KMT2A: variants seen among roughly 807,000 people sequenced by gnomAD.
The protein encoded by KMT2A is lysine methyltransferase 2A, also known as histone-lysine N-methyltransferase 2A.
KMT2A carries 16 observed loss-of-function variants against 345.3 expected under a neutral mutation model. That is an observed-to-expected ratio of 0.05 (90% CI 0.03 to 0.07). KMT2A has a LOEUF of 0.07. Ranked by LOEUF, KMT2A falls within the 10% of genes least tolerant of loss-of-function variation. The probability of loss-of-function intolerance (pLI) is 1.00; values close to 1 mark genes in which losing one functional copy is unlikely to be tolerated. For missense variants in KMT2A, 3,272 were observed against 4,841.6 expected (o/e 0.68, Z 9.62); for synonymous variants, 1,599 against 1,778.6 (o/e 0.90, Z 2.54).
chr11:118,458,842 C>T (rs1949694430), intron 1 of KMT2A, among the ~76,000 whole-genome samples: 1 of 152,154 alleles, frequency 6.6e-6, no homozygotes, highest in Non-Finnish European at 1.5e-5. Context: ...CACAGTTTGC[C>T]TCCTGGATAT....
intron 8 of KMT2A, among the ~76,000 whole-genome samples, chr11:118,483,792 G>A (rs1950183728): frequency 6.6e-6 from 1 of 152,162 alleles, no homozygotes; most frequent in Admixed American, 6.5e-5. Context: ...AGCACTTTGG[G>A]GGGCCAAGGC....
chr11:118,436,566 C>T lies in KMT2A; in HGVS notation c.54C>T (p.Gly18=), dbSNP rs1367152331. ...RFPARPGTTG[G]GGGGGRRGLG... ...CCGCCCGACCCGGGACCACCGGGGGCGGCGGCGGCGGGGGGCGCCGGGGCC... is the reference window on the plus strand; with the variant it reads ...CCGCCCGACCCGGGACCACCGGGGGTGGCGGCGGCGGGGGGCGCCGGGGCC... Residue 18 remains glycine (G), a synonymous_variant, in exon 1 of 36, where the codon GGC becomes GGT. Transcript: ENST00000534358. This position sits in a 1 kb window ranked among gnomAD's most constrained non-coding sequence, Gnocchi z 6.9. The T allele has an allele frequency of 4.5e-5, 52 of 1,166,660 alleles. No individual in the cohort carries two copies. In the Admixed American group the frequency reaches 1.7e-3, roughly 38 times the overall value. 72.3% of individuals were successfully genotyped at this position (1,166,660 alleles called of 1,614,324 possible). A position where few individuals can be genotyped will look rare whatever the true frequency, so the allele number is the denominator to read the frequency against.
Position 118,472,464 on chromosome 11 carries a change from C to T in KMT2A, c.1305C>T (p.Asp435=), listed in dbSNP as rs782607956. ...GGTTTATAGAGGATGAGGATTATGA[C>T]CCTCCAATTAAAATTGCCCGATTAG... ...PRRFIEDEDY[D]PPIKIARLES... The change falls in exon 3 of 36, where the codon GAC becomes GAT. Residue 435 remains aspartate, a synonymous_variant. Coordinates refer to ENST00000534358, the MANE Select transcript of KMT2A (RefSeq NM_001197104.2). 1.9e-6 allele frequency: 3 copies of T among 1,613,696 alleles called. No homozygotes were observed. The highest frequency in any genetic ancestry group is 2.5e-6 in the Non-Finnish European group (3 of 1,179,910).
chr11:118,466,113 C>CT (rs1949839351), intron 1 of KMT2A, among the ~76,000 whole-genome samples: 1 of 152,118 alleles, frequency 6.6e-6, no homozygotes. Flanking sequence ...GGGAGGATCA[C>CT]TTGAGCCCAG....
At position 118,493,276 on chromosome 11, in the gene KMT2A, C is replaced by T; in HGVS notation, c.5178+46C>T. 1 of 1,515,498 alleles carries T rather than the reference C, an allele frequency of 6.6e-7. No homozygotes were observed. 93.9% of individuals were successfully genotyped at this position (1,515,498 alleles called of 1,614,324 possible). On this transcript the variant is annotated intron_variant, in intron 16 of 35. Coordinates refer to ENST00000534358, the MANE Select transcript of KMT2A (RefSeq NM_001197104.2). This position sits in a 1 kb window ranked among gnomAD's most constrained non-coding sequence, Gnocchi z 5.8. ...ATCAGAATTTCTAGTGCCAATAAAG[C>T]TTCTTTGGACCTTTGGGGCATGAAA...
At chr11:118,508,985 T>G in intron 28 of KMT2A, 151 bp from the exon 29 acceptor site, 1 of 606,766 alleles carries the variant, frequency 1.6e-6, no homozygotes, top group Non-Finnish European at 3.0e-6. Context: ...GGTGTGGTGG[T>G]TGTATTCATT....
At chr11:118,464,261 C>T (rs1254314071) in intron 1 of KMT2A, among the ~76,000 whole-genome samples, 3 of 152,174 alleles carry the variant, frequency 2.0e-5, no homozygotes, top group Non-Finnish European at 4.4e-5. Context: ...GTTGGCTGGG[C>T]GTGGTGGCTC....
Position 118,520,687 on chromosome 11 carries a change from C to A in KMT2A, c.11430-115C>A, listed in dbSNP as rs17122239. ...GGGGGCGCTCATTTTATAAGGCACT[C>A]GTTCAGTTTGGCATTAAACAAAGAG... On this transcript the variant is annotated intron_variant, in intron 33 of 35. Coordinates refer to ENST00000534358, the MANE Select transcript of KMT2A (RefSeq NM_001197104.2). The surrounding 1 kb of genome is among the most constrained non-coding windows in gnomAD (Gnocchi z 4.3). 5 of 730,470 alleles carry A rather than the reference C, an allele frequency of 6.8e-6. No homozygotes were observed. The African/African-American group carries it at 7.2e-5, about 10-fold the overall frequency. 45.2% of individuals were successfully genotyped at this position (730,470 alleles called of 1,614,324 possible).
chr11:118,506,174 A>G lies in KMT2A; in HGVS notation c.10282A>G (p.Ser3428Gly), dbSNP rs782627776. Residue 3428 changes from serine (S) to glycine (G), a missense_variant, in exon 27 of 36, where the codon AGC becomes GGC. Ser to Gly is a moderately conservative substitution (Grantham distance 56). Transcript: ENST00000534358. ...TACTGCTGCAATAACAGCGGCATCT[A>G]GCATCTGTGTGCTCCCCTCCACTCA... Reference protein sequence around the residue: ...PSTAAITAASSICVLPSTQTT... With the variant: ...PSTAAITAASGICVLPSTQTT... 11 of 1,614,144 alleles carry G rather than the reference A, an allele frequency of 6.8e-6. No homozygotes were observed. The highest frequency in any genetic ancestry group is 4.5e-5 in the East Asian group (2 of 44,880).
At position 118,505,381 on chromosome 11, in the gene KMT2A, G is replaced by A. The variant is rs1555047731; in HGVS notation, c.9489G>A (p.Gln3163=). ...GATTGCTACCCATGTCTCATCACCA[G>A]CACTTACATTCCTTCCCTGCAGCTA... ...SKGLLPMSHH[Q]HLHSFPAATQ... Residue 3163 remains glutamine, a synonymous_variant, in exon 27 of 36, where the codon CAG becomes CAA. Coordinates refer to ENST00000534358, the MANE Select transcript of KMT2A (RefSeq NM_001197104.2). This position sits in a 1 kb window ranked among gnomAD's most constrained non-coding sequence, Gnocchi z 4.6. 6.2e-7 allele frequency: 1 copy of A among 1,614,030 alleles called. No individual in the cohort carries two copies. Among genetic ancestry groups the A allele is most frequent in the African/African-American group, 1.3e-5 (1 of 74,920 alleles).
At position 118,496,638 on chromosome 11, in the gene KMT2A, T is replaced by C. The variant is rs782136369; in HGVS notation, c.5664+271T>C. On this transcript the variant is annotated intron_variant, in intron 20 of 35. Coordinates refer to ENST00000534358, the MANE Select transcript of KMT2A (RefSeq NM_001197104.2). This position sits in a 1 kb window ranked among gnomAD's most constrained non-coding sequence, Gnocchi z 4.7. ...CTTAAATTAAACCCTTGATGTCTAG[T>C]AATTTCTAATGGAAGTTCCTCAAGA... 6.6e-6 allele frequency among the ~76,000 whole-genome samples: 1 copy of C among 152,226 alleles called. No individual in the cohort carries two copies. The highest frequency in any genetic ancestry group is 1.5e-5 in the Non-Finnish European group (1 of 68,034).
intron 4 of KMT2A, among the ~76,000 whole-genome samples, chr11:118,477,630 C>T (rs1768105632): frequency 1.3e-5 from 2 of 148,304 alleles, no homozygotes; most frequent in Admixed American, 1.4e-4. Context: ...GCCTCAGCCT[C>T]CTGAGTATCT....
Position 118,520,858 on chromosome 11 carries a change from C to T in KMT2A, c.11486C>T (p.Thr3829Ile), listed in dbSNP as rs1319965597. 2 of 1,613,716 alleles carry T rather than the reference C, an allele frequency of 1.2e-6. No homozygotes were observed. Among genetic ancestry groups the T allele is most frequent in the African/African-American group, 2.7e-5 (2 of 74,900 alleles). Reference protein sequence around the residue: ...MPMRFRHLKKTSKEAVGVYRS... With the variant: ...MPMRFRHLKKISKEAVGVYRS... ...ATGCGCTTCCGGCACTTAAAAAAGACTTCTAAGGAGGCAGTTGGTGTCTAC... is the reference window on the plus strand; with the variant it reads ...ATGCGCTTCCGGCACTTAAAAAAGATTTCTAAGGAGGCAGTTGGTGTCTAC... The change falls in exon 34 of 36, where the codon ACT (threonine) becomes ATT (isoleucine). Residue 3829 changes from threonine (T) to isoleucine (I), a missense_variant. Physicochemically the swap from Thr to Ile is moderately conservative, Grantham distance 89. This residue lies in a region of KMT2A where 78 missense variants were observed against 254.5 expected (regional missense o/e 0.31). Transcript: ENST00000534358. This position sits in a 1 kb window ranked among gnomAD's most constrained non-coding sequence, Gnocchi z 4.3.
At chr11:118,463,975 G>A (rs1949794264) in intron 1 of KMT2A, among the ~76,000 whole-genome samples, 1 of 152,160 alleles carries the variant, frequency 6.6e-6, no homozygotes, top group Non-Finnish European at 1.5e-5. Flanking sequence ...AAAATTTATG[G>A]TGAAGCTGGG....
chr11:118,478,868 T>G (rs1175473479), intron 5 of KMT2A, among the ~76,000 whole-genome samples: 1 of 152,180 alleles, frequency 6.6e-6, no homozygotes, highest in Non-Finnish European at 1.5e-5. Flanking sequence ...GTGATCCTCC[T>G]GCCTTGGCCT....
intron 2 of KMT2A, among the ~76,000 whole-genome samples, chr11:118,470,345 C>G (rs923593578): frequency 2.0e-5 from 3 of 152,070 alleles, no homozygotes; most frequent in Non-Finnish European, 4.4e-5. Context: ...CACTCTGTCA[C>G]CCAGGCTCTG....
chr11:118,482,042 A>G lies in KMT2A; in HGVS notation c.3962A>G (p.Lys1321Arg), dbSNP rs1950142339. 3 of 1,613,938 alleles carry G rather than the reference A, an allele frequency of 1.9e-6. No homozygotes were observed. The highest frequency in any genetic ancestry group is 1.3e-5 in the African/African-American group (1 of 74,930). Reference sequence around the variant, plus strand: ...GGACCGCCAAGAAAAGAAGTTCCCAAAACCACTCCTAGTGAGCCCAAGAAA... The same window carrying G: ...GGACCGCCAAGAAAAGAAGTTCCCAGAACCACTCCTAGTGAGCCCAAGAAA... Reference protein sequence around the residue: ...TTGPPRKEVPKTTPSEPKKKQ... With the variant: ...TTGPPRKEVPRTTPSEPKKKQ... Residue 1321 changes from lysine to arginine, a missense_variant, in exon 7 of 36, where the codon AAA (lysine) becomes AGA (arginine). Lys to Arg is a conservative substitution (Grantham distance 26). Coordinates refer to ENST00000534358, the MANE Select transcript of KMT2A (RefSeq NM_001197104.2).
chr11:118,442,061 G>A (rs567785359), intron 1 of KMT2A, among the ~76,000 whole-genome samples: 27 of 152,260 alleles, frequency 1.8e-4, no homozygotes, highest in African/African-American at 6.0e-4. Context: ...TTAATTGTAG[G>A]TCTCCTAATT....
intron 1 of KMT2A, among the ~76,000 whole-genome samples, chr11:118,437,804 T>C (rs1175658484): frequency 1.3e-5 from 2 of 151,976 alleles, no homozygotes; most frequent in African/African-American, 4.8e-5. Flanking sequence ...GGGAAAATAG[T>C]CCACTGTCCC....
Sources: gnomAD v4.1 joint callset for allele counts (sites outside exome capture counted in the v4.1 genomes callset) on GRCh38, gnomAD v4.1.1 for gene constraint, gnomAD v4.1.1 regional missense constraint, Gnocchi (gnomAD v3.1) non-coding constraint, MANE v1.5 for transcripts, NCBI Gene and HGNC (gene_info 2026-07-23, HGNC 2026-07-21) for gene names.